Variants in BAALC observed in about 807,000 individuals in gnomAD.
The protein encoded by BAALC is brain and acute leukemia cytoplasmic protein.
Under a neutral mutation model 15.5 loss-of-function variants are expected in BAALC, and 9 were observed. The observed-to-expected ratio is 0.58, with a 90% CI of 0.35 to 1.02. BAALC has a LOEUF of 1.02. Among genes scored for constraint, BAALC ranks in the 50% least tolerant of loss-of-function variants. The pLI is 0.02. For missense variants in BAALC, 201 were observed against 192.4 expected, an observed-to-expected ratio of 1.04 and a Z score of -0.27; for synonymous variants, 80 against 74.6, an observed-to-expected ratio of 1.07 and a Z score of -0.37.
In BAALC at chr8:103,228,068, G is replaced by A. The variant is rs747245051; in HGVS notation, c.407G>A (p.Ser136Asn). Reference sequence around the variant, plus strand: ...GATAGCATCCAACAGATGGACAGAAGTCGAAGAATCACAAAGAACTGTGTC... The same window carrying A: ...GATAGCATCCAACAGATGGACAGAAATCGAAGAATCACAAAGAACTGTGTC... ...VTDSIQQMDR[S>N]RRITKNCVN The change falls in exon 3 of 3, where the codon AGT becomes AAT. Residue 136 changes from serine to asparagine, a missense_variant. Physicochemically the swap from Ser to Asn is conservative, Grantham distance 46. Transcript: ENST00000309982. The A allele has an allele frequency of 4.3e-6, 7 of 1,613,196 alleles. No homozygotes were observed. The highest frequency in any genetic ancestry group is 4.2e-6 in the Non-Finnish European group (5 of 1,179,518).
intron 1 of BAALC, among the ~76,000 whole-genome samples, chr8:103,188,347 G>A (rs1811891693): frequency 1.3e-5 from 2 of 152,132 alleles, no homozygotes; most frequent in Non-Finnish European, 1.5e-5. Flanking sequence ...CTACAAGAAT[G>A]CTGAGTGTGA....
intron 1 of BAALC, among the ~76,000 whole-genome samples, chr8:103,144,077 A>G (rs138088231): frequency 1.2e-3 from 187 of 152,346 alleles, no homozygotes; most frequent in African/African-American, 4.0e-3. Context: ...CTGCCCAAGA[A>G]AAGTCCCATT....
chr8:103,186,788 G>C (rs1811847624), intron 1 of BAALC, among the ~76,000 whole-genome samples: 1 of 152,150 alleles, frequency 6.6e-6, no homozygotes, highest in East Asian at 1.9e-4. Flanking sequence ...ATGAACTTGT[G>C]ACTAAGCAGA....
rs201856762 is a variant in BAALC at position 103,174,591 on chromosome 8, G to A, written c.160+33534G>A. On this transcript the variant is annotated intron_variant, in intron 1 of 2. Coordinates refer to ENST00000309982, the MANE Select transcript of BAALC (RefSeq NM_024812.3). The stretch of plus-strand genomic sequence containing the variant: ...CATTTGGAAATAGATCATAGGCAAA[G>A]GGTAATTCATAGATGTTTGGATCTG... 2.0e-5 allele frequency among the ~76,000 whole-genome samples: 3 copies of A among 152,214 alleles called. No homozygotes were observed. In the East Asian group the frequency reaches 5.8e-4, roughly 29 times the overall value.
chr8:103,192,823 G>C (rs1224929619), intron 1 of BAALC, among the ~76,000 whole-genome samples: 1 of 152,152 alleles, frequency 6.6e-6, no homozygotes, highest in Non-Finnish European at 1.5e-5. Context: ...AGATACATAT[G>C]GCCATGCAGG....
At chr8:103,173,350 A>G (rs1304098171) in intron 1 of BAALC, among the ~76,000 whole-genome samples, 2 of 152,204 alleles carry the variant, frequency 1.3e-5, no homozygotes, top group East Asian at 1.9e-4. Context: ...CCATTTTGCC[A>G]TCATGAAGTA....
intron 2 of BAALC, among the ~76,000 whole-genome samples, chr8:103,223,819 T>TAG (rs879647806): frequency 6.6e-6 from 1 of 152,252 alleles, no homozygotes; most frequent in Non-Finnish European, 1.5e-5. Context: ...AACAGTCTTT[T>TAG]CTAAAGAAAA....
At chr8:103,203,654 C>T (rs1051238440) in intron 1 of BAALC, among the ~76,000 whole-genome samples, 9 of 152,120 alleles carry the variant, frequency 5.9e-5, no homozygotes, top group African/African-American at 1.2e-4. Flanking sequence ...TATTTCTGAA[C>T]ATTTCATATA....
At chr8:103,200,741 C>A (rs1243641336) in intron 1 of BAALC, 1 of 699,678 alleles carries the variant, frequency 1.4e-6, no homozygotes, top group Non-Finnish European at 2.6e-6. Flanking sequence ...AAAGATGGCA[C>A]CTCTTGCTGT....
chr8:103,147,067 T>C (rs557703421), intron 1 of BAALC, among the ~76,000 whole-genome samples: 1 of 152,358 alleles, frequency 6.6e-6, no homozygotes, highest in East Asian at 1.9e-4. Flanking sequence ...GTTGAATGAC[T>C]GTGAAAATGA....
At chr8:103,175,754 C>T (rs1009999028) in intron 1 of BAALC, among the ~76,000 whole-genome samples, 1 of 152,208 alleles carries the variant, frequency 6.6e-6, no homozygotes, top group Admixed American at 6.5e-5. Context: ...CCCAAGGTGG[C>T]TTTTGAGACA....
At chr8:103,215,716 TA>T (rs1255065069) in intron 2 of BAALC, among the ~76,000 whole-genome samples, 21 of 152,210 alleles carry the variant, frequency 1.4e-4, no homozygotes, top group African/African-American at 5.1e-4. Flanking sequence ...TACTGACTAA[TA>T]TCCCATTGGC....
At chr8:103,199,748 T>A (rs1272523474) in intron 1 of BAALC, among the ~76,000 whole-genome samples, 1 of 152,066 alleles carries the variant, frequency 6.6e-6, no homozygotes, top group Non-Finnish European at 1.5e-5. Context: ...ACAGATTATT[T>A]CATTACCCAG....
At chr8:103,166,471 G>T (rs1021152874) in intron 1 of BAALC, among the ~76,000 whole-genome samples, 4 of 152,130 alleles carry the variant, frequency 2.6e-5, no homozygotes, top group Admixed American at 2.0e-4. Context: ...GAGCAGATGT[G>T]TGGGAGGGTA....
intron 2 of BAALC, among the ~76,000 whole-genome samples, chr8:103,225,291 C>A (rs1812779501): frequency 6.6e-6 from 1 of 152,156 alleles, no homozygotes; most frequent in African/African-American, 2.4e-5. Flanking sequence ...GCACTGGGAA[C>A]ACACAGAGGA....
chr8:103,160,953 C>A (rs547432624), intron 1 of BAALC, among the ~76,000 whole-genome samples: 7 of 152,236 alleles, frequency 4.6e-5, no homozygotes, highest in African/African-American at 1.7e-4. Context: ...TTGGCAACAC[C>A]CTCACAGACA....
At chr8:103,150,774 C>G (rs1810969206) in intron 1 of BAALC, among the ~76,000 whole-genome samples, 1 of 152,156 alleles carries the variant, frequency 6.6e-6, no homozygotes, top group African/African-American at 2.4e-5. Flanking sequence ...ATATCCAACC[C>G]AGGGATTCTT....
At chr8:103,188,032 T>C (rs1474075556) in intron 1 of BAALC, among the ~76,000 whole-genome samples, 1 of 152,178 alleles carries the variant, frequency 6.6e-6, no homozygotes, top group Non-Finnish European at 1.5e-5. Context: ...TGTTAATAAA[T>C]TAGCAAAGAA....
At position 103,177,273 on chromosome 8, in the gene BAALC, C is replaced by A. The variant is rs115259779; in HGVS notation, c.161-35646C>A. Among the ~76,000 whole-genome samples, 623 of 151,594 alleles carry A rather than the reference C, an allele frequency of 4.1e-3. 8 individuals carry two copies. The highest frequency in any genetic ancestry group is 0.014 in the African/African-American group (595 of 41,242). On this transcript the variant is annotated intron_variant, in intron 1 of 2. Transcript: ENST00000309982. ...ATGATCTCGGCTCACTGTAGCTTCA[C>A]TCCTGGGCCCAAGTGATCCTCCCAC...
Sources: gnomAD v4.1 joint callset for allele counts (sites outside exome capture counted in the v4.1 genomes callset) on GRCh38, gnomAD v4.1.1 for gene constraint, MANE v1.5 for transcripts, NCBI Gene and HGNC (gene_info 2026-07-23, HGNC 2026-07-21) for gene names.